GYG2: variants seen among roughly 807,000 people sequenced by gnomAD.
GYG2 encodes glycogenin-2.
A neutral mutation model predicts 29.4 loss-of-function variants in GYG2; 29 were observed. The observed-to-expected ratio is 0.99, with a 90% CI of 0.74 to 1.35. The LOEUF is 1.35. Among genes scored for constraint, GYG2 ranks in the 40% most tolerant of loss-of-function variants. The pLI, the probability that GYG2 is intolerant of heterozygous loss-of-function variation, is 0.00. For missense variants in GYG2, 370 were observed against 385.7 expected (o/e 0.96, Z 0.34); for synonymous variants, 167 against 172.3 (o/e 0.97, Z 0.24).
In GYG2 at chrX:2,875,493, C is replaced by T. The variant is rs775282589; in HGVS notation, c.1039-317C>T. 7.3e-5 allele frequency among the ~76,000 whole-genome samples: 8 copies of T among 109,011 alleles called. No individual in the cohort carries two copies. The South Asian group carries it at 2.4e-3, about 33-fold the overall frequency. The allele number at this position is 109,011 out of a possible 115,157, so 94.7% of individuals were successfully genotyped here. On this transcript the variant is annotated intron_variant, in intron 8 of 10. Coordinates refer to ENST00000398806, the MANE Select transcript of GYG2 (RefSeq NM_001079855.2). ...ATATCTTATTCCTCTCGTTGCCCAG[C>T]CCAGAGGTGACTCACATCACCTCCT...
At chrX:2,837,251 C>T (rs962568016) in intron 2 of GYG2, among the ~76,000 whole-genome samples, 1 of 112,137 alleles carries the variant, frequency 8.9e-6, no homozygotes, top group Admixed American at 9.5e-5. Flanking sequence ...TGTTCTTCTT[C>T]TCTGCTCCTT....
intron 4 of GYG2, 27 bp downstream of exon 4, chrX:2,854,181 GA>G: frequency 9.2e-7 from 1 of 1,088,038 alleles, no homozygotes; most frequent in Non-Finnish European, 1.2e-6. Flanking sequence ...TGCTTGATAG[GA>G]AACCCTCCAA....
chrX:2,830,141 G>T lies in GYG2; in HGVS notation c.-48G>T, dbSNP rs759099105. ...GCGAGGAAGTCCACCCACTGCTCCC[G>T]GGCGCAGGTCTGCAGGTCCGCGCCC... On this transcript the variant is annotated 5_prime_UTR_variant, in exon 2 of 11. Transcript: ENST00000398806. The T allele has an allele frequency of 1.3e-5, 16 of 1,192,168 alleles. No individual in the cohort carries two copies. In the East Asian group the frequency reaches 3.0e-4, roughly 22 times the overall value.
intron 8 of GYG2, among the ~76,000 whole-genome samples, chrX:2,872,612 C>G (rs1442042480): frequency 1.8e-5 from 2 of 112,289 alleles, no homozygotes; most frequent in African/African-American, 3.2e-5. Flanking sequence ...GAGTTAAATC[C>G]CTTCCGAGGA....
chrX:2,854,509 A>G (rs2087935730), intron 4 of GYG2, among the ~76,000 whole-genome samples: 1 of 112,495 alleles, frequency 8.9e-6, no homozygotes, highest in Admixed American at 9.5e-5. Flanking sequence ...GTCTATTATA[A>G]TCAGGCATAA....
rs1603460590 is a variant in GYG2 at position 2,881,367 on chromosome X, CGTAGA to C, written c.*158_*162del. On this transcript the variant is annotated 3_prime_UTR_variant, in exon 11 of 11. Transcript: ENST00000398806. ...CCATTTGAGTGCCTCACACAAAAAA[CGTAGA>C]GTATAGAAATCCACCTTAAAGCCCC... is the stretch of plus-strand genomic sequence containing the variant. 2 of 470,244 alleles carry C rather than the reference CGTAGA, an allele frequency of 4.3e-6. No homozygotes were observed. Among genetic ancestry groups the C allele is most frequent in the Non-Finnish European group, 6.9e-6 (2 of 290,641 alleles). 38.8% of individuals were successfully genotyped at this position (470,244 alleles called of 1,213,427 possible). A position where few individuals can be genotyped will look rare whatever the true frequency, so the allele number is the denominator to read the frequency against.
At chrX:2,838,502 T>C (rs1381259491) in intron 2 of GYG2, among the ~76,000 whole-genome samples, 1 of 102,927 alleles carries the variant, frequency 9.7e-6, no homozygotes, top group Non-Finnish European at 2.0e-5. Context: ...CTTTCTCTTT[T>C]GTTGCATACT....
intron 2 of GYG2, among the ~76,000 whole-genome samples, chrX:2,830,888 T>C (rs1310098440): frequency 8.9e-6 from 1 of 112,317 alleles, no homozygotes; most frequent in Non-Finnish European, 1.9e-5. Context: ...ACCACTGCAC[T>C]CCAGCTTGGG....
chrX:2,846,063 T>A (rs1242264495), intron 3 of GYG2, among the ~76,000 whole-genome samples: 146 of 10,419 alleles, frequency 0.014, no homozygotes, highest in East Asian at 0.038. Context: ...ATATTTTTTT[T>A]TTTTTTTTTT....
At chrX:2,863,357 A>G in intron 8 of GYG2, among the ~76,000 whole-genome samples, 1 of 111,406 alleles carries the variant, frequency 9.0e-6, no homozygotes, top group African/African-American at 3.3e-5. Flanking sequence ...TACAGGCGTG[A>G]ACCACCACGC....
chrX:2,833,487 G>A (rs931505619), intron 2 of GYG2, among the ~76,000 whole-genome samples: 8 of 111,315 alleles, frequency 7.2e-5, no homozygotes, highest in African/African-American at 9.8e-5. Context: ...TAAAGCCAGC[G>A]CATGTGGTTA....
intron 3 of GYG2, among the ~76,000 whole-genome samples, chrX:2,843,976 CTCTT>C (rs2087564455): frequency 8.9e-6 from 1 of 112,099 alleles, no homozygotes; most frequent in South Asian, 3.7e-4. Flanking sequence ...TTTTATAATT[CTCTT>C]TGTCTTTAAT....
intron 2 of GYG2, among the ~76,000 whole-genome samples, chrX:2,834,661 G>A (rs1350865858): frequency 1.8e-5 from 2 of 112,038 alleles, no homozygotes; most frequent in Admixed American, 9.4e-5. Context: ...CACAGTGAAC[G>A]TGTAATGCAC....
chrX:2,860,800 G>C (rs957404387), intron 7 of GYG2, among the ~76,000 whole-genome samples: 1 of 110,615 alleles, frequency 9.0e-6, no homozygotes, highest in African/African-American at 3.3e-5. Context: ...CATGATCTCG[G>C]CTCACTGCAA....
rs762688447 is a variant in GYG2, at chrX:2,855,481, C to T, written c.487+326C>T. ...GGAGGTATCTGTGTTCTAAACATAC[C>T]TAAACATCACAAAGGTCCAGTGAAA... is the stretch of plus-strand genomic sequence containing the variant. On this transcript the variant is annotated intron_variant, in intron 5 of 10. Transcript: ENST00000398806. Among the ~76,000 whole-genome samples the T allele has an allele frequency of 5.4e-5, 6 of 111,170 alleles. No individual in the cohort carries two copies. In the East Asian group the frequency reaches 1.7e-3, roughly 31 times the overall value.
At chrX:2,842,000 A>C (rs2087512715) in intron 2 of GYG2, among the ~76,000 whole-genome samples, 2 of 111,826 alleles carry the variant, frequency 1.8e-5, no homozygotes, top group Admixed American at 1.9e-4. Context: ...CCTTCCTCTC[A>C]TACTGAGGCA....
At chrX:2,835,544 T>G (rs2087355784) in intron 2 of GYG2, among the ~76,000 whole-genome samples, 1 of 111,771 alleles carries the variant, frequency 8.9e-6, no homozygotes, top group African/African-American at 3.3e-5. Context: ...AATATTTGGG[T>G]GGGCCCTAAA....
At chrX:2,867,074 T>G (rs1399770178) in intron 8 of GYG2, among the ~76,000 whole-genome samples, 1 of 111,370 alleles carries the variant, frequency 9.0e-6, no homozygotes, top group Non-Finnish European at 1.9e-5. Flanking sequence ...CCTGTCTGGG[T>G]AGTGCTGGGG....
chrX:2,849,955 A>G (rs2087831508), intron 3 of GYG2, among the ~76,000 whole-genome samples: 1 of 110,312 alleles, frequency 9.1e-6, no homozygotes, highest in African/African-American at 3.3e-5. Flanking sequence ...TCTCTACTAA[A>G]AAATTTTTAA....
Sources: allele counts gnomAD v4.1 joint callset (sites outside exome capture counted in the v4.1 genomes callset), GRCh38; gene constraint gnomAD v4.1.1; transcripts MANE v1.5; gene names NCBI Gene and HGNC (gene_info 2026-07-23, HGNC 2026-07-21).